GPR158: variants seen among roughly 807,000 people sequenced by gnomAD.
GPR158 encodes metabotropic glycine receptor.
GPR158 carries 30 observed loss-of-function variants against 78.2 expected under a neutral mutation model. The ratio of observed to expected loss-of-function variants is 0.38; its 90% CI spans 0.29 to 0.52. The LOEUF is 0.52. GPR158 is among the 20% of genes least tolerant of loss of function. The probability of loss-of-function intolerance (pLI) is 0.83; values close to 1 mark genes in which losing one functional copy is unlikely to be tolerated. For synonymous variants in GPR158, 581 were observed against 591.1 expected (o/e 0.98, Z 0.25); for missense variants, 1,463 against 1,523.5 (o/e 0.96, Z 0.66).
chr10:25,598,889 T>C lies in GPR158; in HGVS notation c.3263T>C (p.Leu1088Ser). ...TCCATTTTGGAAGATGAGAAGCTTT[T>C]GATTTCCAAGACTCCAGTTCTCCCA... Reference protein sequence around the residue: ...GQSILEDEKLLISKTPVLPER... With the variant: ...GQSILEDEKLSISKTPVLPER... The change falls in exon 11 of 11, where the codon TTG becomes TCG. Residue 1088 changes from leucine (L) to serine (S), a missense_variant. Transcript: ENST00000376351. 1.9e-6 allele frequency: 3 copies of C among 1,614,068 alleles called. No individual in the cohort carries two copies. Among genetic ancestry groups the C allele is most frequent in the Non-Finnish European group, 2.5e-6 (3 of 1,180,006 alleles).
At chr10:25,388,792 C>T (rs1834254922) in intron 2 of GPR158, among the ~76,000 whole-genome samples, 1 of 152,182 alleles carries the variant, frequency 6.6e-6, no homozygotes, top group African/African-American at 2.4e-5. Flanking sequence ...TCTTGGGGGG[C>T]CTGGGAAGGC....
chr10:25,316,824 G>C (rs1854857758), intron 2 of GPR158, among the ~76,000 whole-genome samples: 1 of 151,456 alleles, frequency 6.6e-6, no homozygotes, highest in Non-Finnish European at 1.5e-5. Context: ...GGGAATCATT[G>C]GATTAAGGTC....
At chr10:25,183,681 T>A (rs2130631234) in intron 1 of GPR158, among the ~76,000 whole-genome samples, 1 of 152,358 alleles carries the variant, frequency 6.6e-6, no homozygotes, top group South Asian at 2.1e-4. Flanking sequence ...GTAGGATTTT[T>A]AAAAACCTGT....
intron 5 of GPR158, among the ~76,000 whole-genome samples, chr10:25,470,074 C>T (rs1445668211): frequency 6.6e-6 from 1 of 152,154 alleles, no homozygotes; most frequent in Non-Finnish European, 1.5e-5. Context: ...GCCACTAAGG[C>T]TTAATGTAAT....
intron 5 of GPR158, among the ~76,000 whole-genome samples, chr10:25,516,298 A>C (rs1027588218): frequency 4.1e-5 from 6 of 147,594 alleles, no homozygotes; most frequent in African/African-American, 1.5e-4. Context: ...AGGTTGCGAA[A>C]ATTTTCTCCC....
intron 5 of GPR158, among the ~76,000 whole-genome samples, chr10:25,473,119 G>C (rs558110959): frequency 7.2e-5 from 11 of 151,870 alleles, no homozygotes; most frequent in Non-Finnish European, 1.2e-4. Context: ...ATTATTTTGA[G>C]ATACGTCCCA....
intron 2 of GPR158, among the ~76,000 whole-genome samples, chr10:25,364,901 A>G (rs1855695776): frequency 6.6e-6 from 1 of 151,852 alleles, no homozygotes; most frequent in African/African-American, 2.4e-5. Flanking sequence ...GATTACTTGA[A>G]AGAGTGTGTC....
intron 3 of GPR158, among the ~76,000 whole-genome samples, chr10:25,396,635 T>C (rs1344359517): frequency 1.3e-5 from 2 of 150,232 alleles, no homozygotes. Context: ...CTTGTCTCAA[T>C]AATAATAATA....
At chr10:25,402,760 CA>C (rs1436957591) in intron 3 of GPR158, among the ~76,000 whole-genome samples, 2 of 151,774 alleles carry the variant, frequency 1.3e-5, no homozygotes, top group Non-Finnish European at 2.9e-5. Flanking sequence ...TTATAAATTA[CA>C]AAATCTAACT....
chr10:25,240,057 A>G (rs1853582210), intron 2 of GPR158, among the ~76,000 whole-genome samples: 1 of 152,192 alleles, frequency 6.6e-6, no homozygotes, highest in Non-Finnish European at 1.5e-5. Flanking sequence ...AAAACAAGTC[A>G]ATTACTCTAC....
chr10:25,271,815 TC>T, intron 2 of GPR158, among the ~76,000 whole-genome samples: 1 of 152,012 alleles, frequency 6.6e-6, no homozygotes, highest in Middle Eastern at 3.4e-3. Flanking sequence ...ATTTTTTTTT[TC>T]TTTAGTAGAA....
At chr10:25,309,168 A>C (rs1038835103) in intron 2 of GPR158, among the ~76,000 whole-genome samples, 3 of 151,852 alleles carry the variant, frequency 2.0e-5, no homozygotes, top group East Asian at 3.9e-4. Context: ...TTACATTCTC[A>C]CCAATGGTGC....
In GPR158 at chr10:25,175,585, G is replaced by A. The variant is rs374922131; in HGVS notation, c.165G>A (p.Ser55=). ...AGCAGCCGGGTCGAGCCTCTGCCTC[G>A]GACTCCTCGGCTCCCTGGAGCCGCT... is the stretch of plus-strand genomic sequence containing the variant. The part of the protein sequence containing the change: ...HAQQPGRASA[S]DSSAPWSRST... Residue 55 remains serine (S), a synonymous_variant, in exon 1 of 11, where the codon TCG becomes TCA. Transcript: ENST00000376351. This position sits in a 1 kb window ranked among gnomAD's most constrained non-coding sequence, Gnocchi z 6.4. 44 of 1,610,738 alleles carry A rather than the reference G, an allele frequency of 2.7e-5. No individual in the cohort carries two copies. In the African/African-American group the frequency reaches 5.3e-4, roughly 20 times the overall value.
intron 2 of GPR158, among the ~76,000 whole-genome samples, chr10:25,386,802 T>C (rs1007999692): frequency 6.6e-6 from 1 of 152,188 alleles, no homozygotes; most frequent in African/African-American, 2.4e-5. Flanking sequence ...AATTTTGGCA[T>C]GTTGATTTTT....
At chr10:25,510,710 A>G (rs1247373804) in intron 5 of GPR158, among the ~76,000 whole-genome samples, 1 of 152,076 alleles carries the variant, frequency 6.6e-6, no homozygotes, top group African/African-American at 2.4e-5. Flanking sequence ...CCCTGCTGCC[A>G]CCCTTTCTGG....
At chr10:25,487,264 C>CA (rs562442304) in intron 5 of GPR158, among the ~76,000 whole-genome samples, 42 of 152,118 alleles carry the variant, frequency 2.8e-4, no homozygotes, top group Admixed American at 5.9e-4. Flanking sequence ...GCCTACAAGA[C>CA]AAAAAAACCC....
Position 25,175,571 on chromosome 10 carries a change from C to T in GPR158, c.151C>T (p.Arg51Ter). 6.2e-7 allele frequency: 1 copy of T among 1,610,912 alleles called. No homozygotes were observed. Among genetic ancestry groups the T allele is most frequent in the Non-Finnish European group, 8.5e-7 (1 of 1,179,792 alleles). ...GAAGCCGCACGCCCAGCAGCCGGGT[C>T]GAGCCTCTGCCTCGGACTCCTCGGC... ...KGKPHAQQPG[R>*]ASASDSSAPW... The change falls in exon 1 of 11, where the codon CGA becomes TGA. Residue 51 changes from arginine to a stop codon, truncating the protein, a stop_gained. Transcript: ENST00000376351. LOFTEE classifies it high-confidence loss of function. The surrounding 1 kb of genome is among the most constrained non-coding windows in gnomAD (Gnocchi z 6.4).
intron 4 of GPR158, among the ~76,000 whole-genome samples, chr10:25,463,654 TC>T (rs1444181804): frequency 5.9e-5 from 9 of 152,180 alleles, no homozygotes; most frequent in African/African-American, 2.2e-4. Flanking sequence ...TGACTTTTTT[TC>T]TTGGTCTCTG....
intron 7 of GPR158, among the ~76,000 whole-genome samples, chr10:25,580,811 G>C (rs553663593): frequency 6.6e-6 from 1 of 152,040 alleles, no homozygotes; most frequent in Non-Finnish European, 1.5e-5. Flanking sequence ...CTGCAGCTTC[G>C]AACTCCTGGA....
Sources: allele counts gnomAD v4.1 joint callset (sites outside exome capture counted in the v4.1 genomes callset), GRCh38; gene constraint gnomAD v4.1.1; non-coding constraint Gnocchi (gnomAD v3.1); transcripts MANE v1.5; gene names NCBI Gene and HGNC (gene_info 2026-07-23, HGNC 2026-07-21).